Variants in IQCJ observed in about 807,000 individuals in gnomAD.
IQCJ encodes the protein IQ motif containing J.
IQCJ carries 9 observed loss-of-function variants against 11.0 expected under a neutral mutation model. The ratio of observed to expected loss-of-function variants is 0.82; its 90% CI spans 0.49 to 1.43. The LOEUF is 1.43. Among genes scored for constraint, IQCJ ranks in the 40% most tolerant of loss-of-function variants. The pLI is 0.00. For synonymous variants in IQCJ, 55 were observed against 51.3 expected (o/e 1.07, Z -0.31); for missense variants, 146 against 133.2 (o/e 1.10, Z -0.47).
At chr3:159,170,185 T>C (rs1451184088) in intron 1 of IQCJ, among the ~76,000 whole-genome samples, 2 of 152,168 alleles carry the variant, frequency 1.3e-5, no homozygotes, top group East Asian at 3.9e-4. Context: ...AGCCAATCCA[T>C]GCTTCCACTG....
intron 1 of IQCJ, among the ~76,000 whole-genome samples, chr3:159,113,457 G>A (rs919461611): frequency 2.0e-5 from 3 of 152,046 alleles, no homozygotes; most frequent in Non-Finnish European, 4.4e-5. Context: ...AGTTACATAT[G>A]AGCCTTGTGA....
At chr3:159,081,461 T>G (rs1028776098) in intron 1 of IQCJ, among the ~76,000 whole-genome samples, 1 of 152,108 alleles carries the variant, frequency 6.6e-6, no homozygotes. Flanking sequence ...CAATACAGCA[T>G]TCGAGAGATT....
Position 159,262,677 on chromosome 3 carries a change from C to A in IQCJ, c.285C>A (p.Ser95Arg), listed in dbSNP as rs781259338. The A allele has an allele frequency of 1.2e-6, 2 of 1,613,970 alleles. No homozygotes were observed. Among genetic ancestry groups the A allele is most frequent in the Admixed American group, 1.7e-5 (1 of 60,030 alleles). ...SVSMNTFSDS[S>R]TPVSVMFLFL... ...GCATGAACACCTTCTCCGACAGCAG[C>A]ACACCCGTGAGTGTCATGTTTCTTT... The change falls in exon 4 of 4, where the codon AGC becomes AGA. Residue 95 changes from serine to arginine, a missense_variant. Coordinates refer to ENST00000397832, the MANE Select transcript of IQCJ (RefSeq NM_001042706.3).
At chr3:159,201,118 T>C (rs1186263535) in intron 1 of IQCJ, among the ~76,000 whole-genome samples, 3 of 152,176 alleles carry the variant, frequency 2.0e-5, no homozygotes, top group Admixed American at 2.0e-4. Context: ...GGCTGGGGCA[T>C]GAAGTAAGAG....
chr3:159,201,987 A>G (rs1212871849), intron 1 of IQCJ, among the ~76,000 whole-genome samples: 1 of 152,182 alleles, frequency 6.6e-6, no homozygotes, highest in African/African-American at 2.4e-5. Context: ...ACACTGGAAG[A>G]CAGAAGACAT....
At chr3:159,131,475 T>C (rs1313863025) in intron 1 of IQCJ, among the ~76,000 whole-genome samples, 1 of 152,170 alleles carries the variant, frequency 6.6e-6, no homozygotes, top group South Asian at 2.1e-4. Context: ...GCTGGGGCAC[T>C]TCTTTGCTCT....
chr3:159,074,861 G>A (rs1715811922), intron 1 of IQCJ, among the ~76,000 whole-genome samples: 1 of 152,068 alleles, frequency 6.6e-6, no homozygotes, highest in African/African-American at 2.4e-5. Flanking sequence ...CTGCCCAGCA[G>A]AGGCTGACAA....
chr3:159,222,729 G>A (rs1310784788), intron 1 of IQCJ, among the ~76,000 whole-genome samples: 3 of 152,124 alleles, frequency 2.0e-5, no homozygotes, highest in African/African-American at 7.2e-5. Context: ...AGTAACTACA[G>A]AAGGCAATGC....
intron 1 of IQCJ, among the ~76,000 whole-genome samples, chr3:159,102,376 T>G (rs927475600): frequency 3.3e-5 from 5 of 152,168 alleles, no homozygotes; most frequent in African/African-American, 1.2e-4. Flanking sequence ...TATTCAAAAT[T>G]TCAGGAAAAA....
intron 1 of IQCJ, among the ~76,000 whole-genome samples, chr3:159,089,210 T>C (rs1187573908): frequency 1.3e-5 from 2 of 152,178 alleles, no homozygotes; most frequent in East Asian, 3.9e-4. Flanking sequence ...AAGTTCTGGG[T>C]TGAAAATTCT....
chr3:159,197,258 T>C (rs1191712102), intron 1 of IQCJ, among the ~76,000 whole-genome samples: 1 of 152,158 alleles, frequency 6.6e-6, no homozygotes, highest in Non-Finnish European at 1.5e-5. Context: ...GAAGAGTAAT[T>C]AAATACTAAA....
intron 1 of IQCJ, among the ~76,000 whole-genome samples, chr3:159,216,223 C>A (rs531802018): frequency 6.6e-6 from 1 of 152,214 alleles, no homozygotes; most frequent in East Asian, 1.9e-4. Context: ...ATCAGTGCAT[C>A]ACACAGATGT....
chr3:159,189,254 C>T (rs1329864556), intron 1 of IQCJ, among the ~76,000 whole-genome samples: 6 of 152,124 alleles, frequency 3.9e-5, no homozygotes, highest in African/African-American at 1.4e-4. Context: ...AGAGAGGGTG[C>T]AGTTCAAGTA....
intron 1 of IQCJ, among the ~76,000 whole-genome samples, chr3:159,135,070 T>A (rs944722801): frequency 6.6e-6 from 1 of 152,214 alleles, no homozygotes; most frequent in African/African-American, 2.4e-5. Context: ...CCATCCTCTA[T>A]AAATTATCTG....
intron 1 of IQCJ, among the ~76,000 whole-genome samples, chr3:159,115,366 A>G (rs899460338): frequency 6.6e-6 from 1 of 152,196 alleles, no homozygotes; most frequent in African/African-American, 2.4e-5. Flanking sequence ...GGCAAGTCCT[A>G]CAAGTGGTAT....
At chr3:159,161,677 GT>G (rs1457133886) in intron 1 of IQCJ, among the ~76,000 whole-genome samples, 1 of 152,182 alleles carries the variant, frequency 6.6e-6, no homozygotes, top group Non-Finnish European at 1.5e-5. Context: ...TAACGTTTAA[GT>G]TTTTAATCCA....
chr3:159,244,671 A>G (rs1038117268), intron 1 of IQCJ, among the ~76,000 whole-genome samples: 4 of 152,130 alleles, frequency 2.6e-5, no homozygotes, highest in African/African-American at 9.7e-5. Context: ...GACCCACTGG[A>G]AAGGTTGGAA....
At chr3:159,254,434 A>G (rs752790161) in intron 3 of IQCJ, among the ~76,000 whole-genome samples, 2 of 152,220 alleles carry the variant, frequency 1.3e-5, no homozygotes, top group Admixed American at 1.3e-4. Context: ...AGGTGCAAAC[A>G]GAATGGTTTT....
intron 1 of IQCJ, among the ~76,000 whole-genome samples, chr3:159,172,258 A>T (rs1577059257): frequency 6.6e-6 from 1 of 152,318 alleles, no homozygotes; most frequent in Admixed American, 6.5e-5. Flanking sequence ...TAGTCATTAA[A>T]AATGATAGCT....
Sources: gnomAD v4.1 joint callset for allele counts (sites outside exome capture counted in the v4.1 genomes callset) on GRCh38, gnomAD v4.1.1 for gene constraint, MANE v1.5 for transcripts, NCBI Gene and HGNC (gene_info 2026-07-23, HGNC 2026-07-21) for gene names.